The following FBXL17 variants were observed in gnomAD, a reference collection of about 807,000 sequenced individuals.
FBXL17 encodes F-box/LRR-repeat protein 17.
Under a neutral mutation model 66.2 loss-of-function variants are expected in FBXL17, and 22 were observed. The observed-to-expected ratio is 0.33, with a 90% CI of 0.24 to 0.47. FBXL17 has a LOEUF of 0.47. FBXL17 is among the 20% of genes least tolerant of loss of function. The pLI is 1.00. For missense variants in FBXL17, 878 were observed against 948.2 expected, an observed-to-expected ratio of 0.93 and a Z score of 0.97; for synonymous variants, 474 against 400.5, an observed-to-expected ratio of 1.18 and a Z score of -2.19.
At chr5:108,026,407 CT>C (rs1279964466) in intron 6 of FBXL17, among the ~76,000 whole-genome samples, 10 of 152,042 alleles carry the variant, frequency 6.6e-5, no homozygotes, top group African/African-American at 2.4e-4. Flanking sequence ...TTACAGTATA[CT>C]TTTTTTGTAA....
At chr5:107,862,867 T>C (rs1286525528) in intron 8 of FBXL17, among the ~76,000 whole-genome samples, 1 of 142,642 alleles carries the variant, frequency 7.0e-6, no homozygotes, top group Non-Finnish European at 1.6e-5. Flanking sequence ...ATGATGATCA[T>C]GAAATTCAGC....
rs374667160 is a variant in FBXL17 at position 108,363,020 on chromosome 5, A to G, written c.1374+1718T>C. ...AATAACAGTCCCAGGCAAATCATCA[A>G]TTATGGCTAGTTCCCTCTTAGGCTT... On this transcript the variant is annotated intron_variant, in intron 3 of 8. Coordinates refer to ENST00000542267, the MANE Select transcript of FBXL17 (RefSeq NM_001163315.3). Among the ~76,000 whole-genome samples, 80 of 152,126 alleles carry G rather than the reference A, an allele frequency of 5.3e-4. 2 individuals are homozygous for G. The South Asian group carries it at 7.9e-3, about 15-fold the overall frequency.
chr5:108,322,467 T>C (rs1338536896), intron 4 of FBXL17, among the ~76,000 whole-genome samples: 1 of 151,986 alleles, frequency 6.6e-6, no homozygotes, highest in Admixed American at 6.6e-5. Flanking sequence ...CATCCTGTTC[T>C]TTGTGTAAAT....
chr5:108,140,316 AT>A (rs1476276227), intron 6 of FBXL17, among the ~76,000 whole-genome samples: 1 of 152,170 alleles, frequency 6.6e-6, no homozygotes, highest in African/African-American at 2.4e-5. Context: ...AAAATGTGGG[AT>A]TACAGGTGTG....
chr5:107,992,364 A>G (rs909587983), intron 7 of FBXL17, among the ~76,000 whole-genome samples: 5 of 152,166 alleles, frequency 3.3e-5, no homozygotes, highest in African/African-American at 1.2e-4. Context: ...AAATTTTCTA[A>G]TTTGGTGTAG....
intron 4 of FBXL17, among the ~76,000 whole-genome samples, chr5:108,270,284 G>A (rs539912643): frequency 1.3e-3 from 197 of 151,858 alleles, no homozygotes; most frequent in Non-Finnish European, 2.3e-3. Flanking sequence ...AAGTGAAGGC[G>A]ATCTCCCCTA....
At chr5:107,939,556 T>TC (rs906929568) in intron 7 of FBXL17, among the ~76,000 whole-genome samples, 1 of 152,186 alleles carries the variant, frequency 6.6e-6, no homozygotes, top group African/African-American at 2.4e-5. Flanking sequence ...ACTTTTAATG[T>TC]CAGGCTGCTG....
intron 7 of FBXL17, among the ~76,000 whole-genome samples, chr5:107,978,532 C>T (rs544949071): frequency 2.0e-5 from 3 of 152,240 alleles, no homozygotes; most frequent in African/African-American, 7.2e-5. Flanking sequence ...TAAAATTGAC[C>T]TTTCGAGATG....
chr5:107,867,071 C>G (rs1748297028), intron 8 of FBXL17, among the ~76,000 whole-genome samples: 2 of 152,006 alleles, frequency 1.3e-5, no homozygotes, highest in African/African-American at 2.4e-5. Context: ...TAGTACTGTA[C>G]CAGAAATTGT....
At chr5:108,284,787 A>G (rs1263378008) in intron 4 of FBXL17, among the ~76,000 whole-genome samples, 2 of 151,860 alleles carry the variant, frequency 1.3e-5, no homozygotes, top group Non-Finnish European at 2.9e-5. Context: ...TTTTGCCTCA[A>G]TGTTGATGGC....
At chr5:108,367,089 T>G (rs944735241) in intron 2 of FBXL17, among the ~76,000 whole-genome samples, 1 of 152,112 alleles carries the variant, frequency 6.6e-6, no homozygotes, top group African/African-American at 2.4e-5. Context: ...ATCAGCACAC[T>G]AGTAGTAATA....
intron 7 of FBXL17, among the ~76,000 whole-genome samples, chr5:107,901,074 C>G (rs1005222455): frequency 6.6e-6 from 1 of 152,262 alleles, no homozygotes; most frequent in Admixed American, 6.5e-5. Context: ...GAAGCATGAT[C>G]TAGTGTTTTG....
intron 6 of FBXL17, among the ~76,000 whole-genome samples, chr5:108,161,208 C>T (rs538417922): frequency 7.9e-6 from 1 of 126,986 alleles, no homozygotes; most frequent in African/African-American, 3.1e-5. Context: ...CCCAGCCCAG[C>T]GCAGTGGCTC....
intron 6 of FBXL17, among the ~76,000 whole-genome samples, chr5:108,103,593 AT>A (rs1322258870): frequency 6.6e-6 from 1 of 152,092 alleles, no homozygotes; most frequent in Non-Finnish European, 1.5e-5. Flanking sequence ...AAAAAGATTA[AT>A]TTTTAGCTTT....
chr5:108,372,934 G>C (rs533384304), intron 1 of FBXL17, among the ~76,000 whole-genome samples: 10 of 151,984 alleles, frequency 6.6e-5, no homozygotes, highest in African/African-American at 2.2e-4. Flanking sequence ...TGATTTAAAA[G>C]ACTACATAAA....
At chr5:107,947,957 G>T (rs541710255) in intron 7 of FBXL17, among the ~76,000 whole-genome samples, 10 of 152,242 alleles carry the variant, frequency 6.6e-5, no homozygotes, top group Admixed American at 5.9e-4. Flanking sequence ...ATGTACCCAT[G>T]ATTTCATCTC....
In FBXL17 at chr5:108,316,589, T is replaced by C. The variant is rs1283561456; in HGVS notation, c.1506+31810A>G. Among the ~76,000 whole-genome samples the C allele has an allele frequency of 2.0e-5, 3 of 151,420 alleles. No homozygotes were observed. The East Asian group carries it at 5.8e-4, about 29-fold the overall frequency. On this transcript the variant is annotated intron_variant, in intron 4 of 8. Transcript: ENST00000542267. ...TAAAATATCAAAACACTGAAGAGCA[T>C]TTTTAAATTCAGAAGACAAAACTTA...
In FBXL17 at chr5:108,381,194, CG is replaced by C; in HGVS notation, c.497del (p.Pro166ArgfsTer192). 6.9e-7 allele frequency: 1 copy of C among 1,439,548 alleles called. No individual in the cohort carries two copies. Among genetic ancestry groups the C allele is most frequent in the Non-Finnish European group, 9.1e-7 (1 of 1,097,928 alleles). The allele number at this position is 1,439,548 out of a possible 1,614,324, so 89.2% of individuals were successfully genotyped here. ...CGGCGGGCGGCCCCAGGAAGCGCAC[CG>C]GCCCCAAGCTGGCCAGGAAGAGACT... ...GRSLFLASLG[P>X]VRFLGPPAAV... On this transcript the variant is annotated frameshift_variant, in exon 1 of 9. Coordinates refer to ENST00000542267, the MANE Select transcript of FBXL17 (RefSeq NM_001163315.3). LOFTEE classifies it high-confidence loss of function.
intron 6 of FBXL17, among the ~76,000 whole-genome samples, chr5:108,083,191 A>T (rs1044067451): frequency 2.0e-5 from 3 of 149,176 alleles, no homozygotes; most frequent in African/African-American, 7.4e-5. Flanking sequence ...ATCCATCTCC[A>T]TGGCTTCTCC....
Sources: gnomAD v4.1 joint callset for allele counts (sites outside exome capture counted in the v4.1 genomes callset) on GRCh38, gnomAD v4.1.1 for gene constraint, MANE v1.5 for transcripts, NCBI Gene and HGNC (gene_info 2026-07-23, HGNC 2026-07-21) for gene names.